TAF12: variants seen among roughly 807,000 people sequenced by gnomAD.
The protein encoded by TAF12 is transcription initiation factor TFIID subunit 12.
A neutral mutation model predicts 20.8 loss-of-function variants in TAF12; 3 were observed. That is an observed-to-expected ratio of 0.14 (90% CI 0.07 to 0.37). The LOEUF (loss-of-function observed/expected upper bound fraction) is 0.37. Ranked by LOEUF, TAF12 falls within the 10% of genes least tolerant of loss-of-function variation. The pLI is 1.00. For missense variants in TAF12, 131 were observed against 197.9 expected, an observed-to-expected ratio of 0.66 and a Z score of 2.03; for synonymous variants, 69 against 70.2, an observed-to-expected ratio of 0.98 and a Z score of 0.09.
Position 28,643,061 on chromosome 1 carries a change from T to C in TAF12, c.-154A>G. 1.0e-6 allele frequency: 1 copy of C among 985,870 alleles called. No homozygotes were observed. Among genetic ancestry groups the C allele is most frequent in the Non-Finnish European group, 1.2e-6 (1 of 829,950 alleles). 61.1% of individuals were successfully genotyped at this position (985,870 alleles called of 1,614,324 possible). On this transcript the variant is annotated 5_prime_UTR_variant, in exon 1 of 6. Coordinates refer to ENST00000373824, the MANE Select transcript of TAF12 (RefSeq NM_005644.4). ...GTGAAGCGTTCGTCTCAGCAGCCGG[T>C]CCGACTGCGCGGCCCTCCCCGACTA...
chr1:28,638,787 A>ATTTT (rs759099050), intron 1 of TAF12, among the ~76,000 whole-genome samples: 4 of 101,844 alleles, frequency 3.9e-5, no homozygotes, highest in African/African-American at 8.0e-5. Context: ...CACCTGGCCT[A>ATTTT]TTTTTTTTTT....
chr1:28,638,555 G>A (rs1002267289), intron 1 of TAF12, among the ~76,000 whole-genome samples: 9 of 147,992 alleles, frequency 6.1e-5, no homozygotes, highest in African/African-American at 2.0e-4. Flanking sequence ...GCGCAATATC[G>A]GCTCACTGCA....
intron 1 of TAF12, among the ~76,000 whole-genome samples, chr1:28,624,772 A>C (rs1295840322): frequency 6.6e-6 from 1 of 151,712 alleles, no homozygotes; most frequent in East Asian, 1.9e-4. Flanking sequence ...TAAAAAAATA[A>C]ATAATAATAA....
upstream of TAF12, among the ~76,000 whole-genome samples, chr1:28,643,913 T>C (rs1668119959): frequency 6.6e-6 from 1 of 151,968 alleles, no homozygotes; most frequent in Non-Finnish European, 1.5e-5. Context: ...TAGCCGGGCG[T>C]GGTGGCATGC....
At chr1:28,609,356 G>A (rs7544634) in intron 4 of TAF12, among the ~76,000 whole-genome samples, 1 of 152,026 alleles carries the variant, frequency 6.6e-6, no homozygotes, top group Non-Finnish European at 1.5e-5. Context: ...GATTACAGGC[G>A]TGAGCCACCA....
chr1:28,641,715 G>C (rs995837833), intron 1 of TAF12, among the ~76,000 whole-genome samples: 5 of 149,510 alleles, frequency 3.3e-5, no homozygotes, highest in Non-Finnish European at 7.4e-5. Context: ...GACTGCTTGA[G>C]CCTAGGAGGT....
In TAF12 at chr1:28,621,953, A is replaced by G. The variant is rs770466818; in HGVS notation, c.129T>C (p.Thr43=). 2.5e-6 allele frequency: 4 copies of G among 1,613,854 alleles called. No individual in the cohort carries two copies. The South Asian group carries it at 4.4e-5, about 18-fold the overall frequency. ...NSTAVVKIPG[T]PGAGGRLSPE... is the part of the protein sequence containing the mutation. ...GGCTAAGACGACCTCCTGCCCCAGG[A>G]GTGCCTGGTATCTTTACCACTGCAG... Residue 43 remains threonine, a synonymous_variant, in exon 2 of 6, where the codon ACT becomes ACC. Coordinates refer to ENST00000373824, the MANE Select transcript of TAF12 (RefSeq NM_005644.4).
At chr1:28,628,816 C>T (rs1667524982) in intron 1 of TAF12, among the ~76,000 whole-genome samples, 1 of 152,190 alleles carries the variant, frequency 6.6e-6, no homozygotes, top group South Asian at 2.1e-4. Flanking sequence ...TTCATGCCTA[C>T]AATCCCGGCA....
intron 1 of TAF12, among the ~76,000 whole-genome samples, chr1:28,626,409 A>G (rs1667395496): frequency 1.3e-5 from 2 of 151,478 alleles, no homozygotes; most frequent in African/African-American, 2.4e-5. Context: ...ATGAAACCCC[A>G]TCTCTACTAA....
intron 1 of TAF12, among the ~76,000 whole-genome samples, chr1:28,622,980 T>C (rs1667268236): frequency 6.7e-6 from 1 of 149,898 alleles, no homozygotes; most frequent in African/African-American, 2.5e-5. Flanking sequence ...TGAGCCGAGA[T>C]CACGCCACTG....
chr1:28,630,111 A>G (rs1191054734), intron 1 of TAF12, among the ~76,000 whole-genome samples: 1 of 151,786 alleles, frequency 6.6e-6, no homozygotes, highest in East Asian at 1.9e-4. Context: ...AGCTCATTTT[A>G]TATTTTTTAT....
chr1:28,639,539 G>A (rs1052019011), intron 1 of TAF12, among the ~76,000 whole-genome samples: 4 of 151,304 alleles, frequency 2.6e-5, no homozygotes, highest in Admixed American at 6.6e-5. Flanking sequence ...ATAAGTCAAC[G>A]CTAGAGCCAC....
At chr1:28,646,775 C>T (rs550517015), upstream of TAF12, among the ~76,000 whole-genome samples, 12 of 151,088 alleles carry the variant, frequency 7.9e-5, no homozygotes, top group East Asian at 1.9e-4. Context: ...CTCGGCTCAC[C>T]GCAAGCTCCA....
Position 28,624,767 on chromosome 1 carries a change from A to C in TAF12, c.-84-2602T>G, listed in dbSNP as rs193264276. 5.3e-5 allele frequency among the ~76,000 whole-genome samples: 8 copies of C among 151,956 alleles called. 1 individual carries two copies. In the East Asian group the frequency reaches 1.5e-3, roughly 29 times the overall value. On this transcript the variant is annotated intron_variant, in intron 1 of 5. Transcript: ENST00000373824. ...GTCTCAAAAAAAAATAAAAATAAAA[A>C]AATAAATAATAATAATAAGAAGAAA...
chr1:28,642,805 G>A (rs1455249844), intron 1 of TAF12, 187 bp downstream of exon 1: 2 of 985,570 alleles, frequency 2.0e-6, no homozygotes, highest in African/African-American at 1.7e-5. Context: ...CCGTCTTAGA[G>A]CCCGGGTCCC....
At chr1:28,627,537 C>A (rs1570322490) in intron 1 of TAF12, among the ~76,000 whole-genome samples, 2 of 150,080 alleles carry the variant, frequency 1.3e-5, no homozygotes, top group East Asian at 3.9e-4. Flanking sequence ...ACTAAAAATA[C>A]AAAAAATTAG....
intron 1 of TAF12, among the ~76,000 whole-genome samples, chr1:28,628,241 G>C (rs1248251254): frequency 1.2e-5 from 1 of 84,212 alleles, no homozygotes; most frequent in African/African-American, 4.5e-5. Flanking sequence ...GGGGGGGGGG[G>C]GCGCCTGTAA....
chr1:28,636,829 T>C (rs911332117), intron 1 of TAF12, among the ~76,000 whole-genome samples: 3 of 151,732 alleles, frequency 2.0e-5, no homozygotes, highest in Admixed American at 6.6e-5. Flanking sequence ...AACATACTGC[T>C]CAATGCAGTG....
chr1:28,619,497 CA>C (rs537913364), intron 2 of TAF12, among the ~76,000 whole-genome samples: 4,990 of 79,116 alleles, frequency 0.063, 232 homozygotes, highest in African/African-American at 0.19. Context: ...GACTCCATCT[CA>C]AAAAAAAAAA....
Sources: gnomAD v4.1 joint callset for allele counts (sites outside exome capture counted in the v4.1 genomes callset) on GRCh38, gnomAD v4.1.1 for gene constraint, MANE v1.5 for transcripts, NCBI Gene and HGNC (gene_info 2026-07-23, HGNC 2026-07-21) for gene names.